The following CES5A variants were observed in gnomAD, a reference collection of about 807,000 sequenced individuals.
The protein encoded by CES5A is carboxylesterase 5A.
A neutral mutation model predicts 62.9 loss-of-function variants in CES5A; 67 were observed. That is an observed-to-expected ratio of 1.07 (90% CI 0.88 to 1.31). CES5A has a LOEUF of 1.31. CES5A is among the 50% of genes most tolerant of loss of function. The pLI is 0.00. For missense variants in CES5A, 748 were observed against 708.5 expected (o/e 1.06, Z -0.63); for synonymous variants, 296 against 280.8 (o/e 1.05, Z -0.54).
At chr16:55,871,581 G>A in intron 3 of CES5A, 44 bp downstream of exon 3, 1 of 1,608,264 alleles carries the variant, frequency 6.2e-7, no homozygotes, top group Non-Finnish European at 8.5e-7. Context: ...CCCAGGCCAA[G>A]GTCCTGCTAG....
chr16:55,879,243 C>A (rs956718754), upstream of CES5A, among the ~76,000 whole-genome samples: 10 of 150,600 alleles, frequency 6.6e-5, no homozygotes, highest in Non-Finnish European at 1.3e-4. Flanking sequence ...ATCACTGCAC[C>A]CTACCACTGT....
At chr16:55,918,763 C>T (rs556319223) in intron 1 of CES5A, among the ~76,000 whole-genome samples, 2 of 152,318 alleles carry the variant, frequency 1.3e-5, no homozygotes, top group Admixed American at 6.5e-5. Flanking sequence ...CATTATAATG[C>T]TTCCCCATGT....
chr16:55,866,845 AT>A (rs2055176178), intron 4 of CES5A, among the ~76,000 whole-genome samples: 1 of 151,982 alleles, frequency 6.6e-6, no homozygotes, highest in Admixed American at 6.6e-5. Flanking sequence ...CTCAAAAAAA[AT>A]AAAAATAAAA....
intron 1 of CES5A, among the ~76,000 whole-genome samples, chr16:55,907,621 C>A (rs754201242): frequency 3.9e-5 from 6 of 152,108 alleles, no homozygotes; most frequent in Non-Finnish European, 5.9e-5. Flanking sequence ...TCAGGGAGCA[C>A]GTGACATAGG....
intron 2 of CES5A, among the ~76,000 whole-genome samples, chr16:55,943,039 CT>C (rs2034461035): frequency 6.6e-6 from 1 of 152,188 alleles, no homozygotes; most frequent in Non-Finnish European, 1.5e-5. Flanking sequence ...CCCAAGAGAA[CT>C]TCCTGGAGGG....
intron 1 of CES5A, among the ~76,000 whole-genome samples, chr16:55,923,623 C>T (rs150608008): frequency 2.0e-5 from 3 of 151,700 alleles, no homozygotes; most frequent in Admixed American, 6.6e-5. Flanking sequence ...TCAAACTCTT[C>T]AAAAAAATTG....
chr16:55,929,683 A>T (rs2034289837), upstream of CES5A, among the ~76,000 whole-genome samples: 1 of 152,220 alleles, frequency 6.6e-6, no homozygotes, highest in Non-Finnish European at 1.5e-5. Context: ...AAAAATTTAC[A>T]TGAAGACAGC....
intron 2 of CES5A, among the ~76,000 whole-genome samples, chr16:55,938,754 AAAAAAAAAAAAATATAT>A (rs2142476431): frequency 3.9e-5 from 3 of 77,304 alleles, no homozygotes; most frequent in South Asian, 8.9e-4. Context: ...AAAAAAAAAA[AAAAAAAAAAAAATATAT>A]ATATATATAT....
intron 3 of CES5A, 72 bp downstream of exon 3, chr16:55,871,553 T>C: frequency 1.9e-6 from 3 of 1,567,226 alleles, no homozygotes; most frequent in Non-Finnish European, 8.7e-7. Context: ...TCCAGACATG[T>C]AGCTGCACTG....
chr16:55,887,383 A>G (rs1276390493), intron 1 of CES5A, among the ~76,000 whole-genome samples: 1 of 77,852 alleles, frequency 1.3e-5, no homozygotes, highest in African/African-American at 3.5e-5. Flanking sequence ...GACCAGAGGC[A>G]AAAAAAAAAA....
intron 8 of CES5A, among the ~76,000 whole-genome samples, chr16:55,858,785 A>C (rs1313747299): frequency 6.6e-6 from 1 of 152,232 alleles, no homozygotes; most frequent in Non-Finnish European, 1.5e-5. Context: ...GGACAGATGA[A>C]AAGTTTATTT....
chr16:55,869,416 A>G (rs1162436731), intron 4 of CES5A, 195 bp downstream of exon 4: 2 of 1,046,314 alleles, frequency 1.9e-6, no homozygotes, highest in Non-Finnish European at 2.6e-6. Flanking sequence ...AGTGAGAAAG[A>G]GATTTTTATT....
chr16:55,853,751 C>A (rs2033177194), intron 9 of CES5A, among the ~76,000 whole-genome samples: 1 of 152,198 alleles, frequency 6.6e-6, no homozygotes, highest in Admixed American at 6.5e-5. Context: ...GCCTGCCTCC[C>A]AGGCTTCTCC....
chr16:55,949,777 C>A, intron 2 of CES5A: 2 of 1,398,238 alleles, frequency 1.4e-6, no homozygotes, highest in Non-Finnish European at 1.9e-6. Context: ...TCTTGTCAAA[C>A]AACTCACCCT....
Position 55,849,767 on chromosome 16 carries a change from C to A in CES5A, c.1280G>T (p.Gly427Val), listed in dbSNP as rs2033091222. ...AAACTCATAGAAGTAGACAGGTGCACCAGCATCTGACAAAAGGTCAGGGAA... is the reference window on the plus strand; with the variant it reads ...AAACTCATAGAAGTAGACAGGTGCAACAGCATCTGACAAAAGGTCAGGGAA... ...LITARYHRDA[G>V]APVYFYEFRH... The change falls in exon 11 of 13, where the codon GGT (glycine) becomes GTT (valine). Residue 427 changes from glycine to valine, a missense_variant. By Grantham distance (109) the Gly-to-Val change is moderately radical (BLOSUM62 -3). Coordinates refer to ENST00000290567, the MANE Select transcript of CES5A (RefSeq NM_001143685.2). The A allele has an allele frequency of 6.2e-7, 1 of 1,613,630 alleles. No individual in the cohort carries two copies. The highest frequency in any genetic ancestry group is 1.7e-5 in the Admixed American group (1 of 60,000).
At chr16:55,899,479 G>T (rs985718306) in intron 1 of CES5A, among the ~76,000 whole-genome samples, 10 of 152,162 alleles carry the variant, frequency 6.6e-5, no homozygotes, top group African/African-American at 2.4e-4. Flanking sequence ...TGGTAGTGTT[G>T]AGCTGAGAAG....
intron 1 of CES5A, among the ~76,000 whole-genome samples, chr16:55,907,214 ACT>A (rs1389380575): frequency 1.8e-4 from 27 of 152,060 alleles, no homozygotes; most frequent in Middle Eastern, 6.8e-3. Flanking sequence ...GCAATAAGGG[ACT>A]CTCTGTTTCT....
At chr16:55,878,251 T>C (rs1471050220), upstream of CES5A, among the ~76,000 whole-genome samples, 1 of 152,056 alleles carries the variant, frequency 6.6e-6, no homozygotes, top group African/African-American at 2.4e-5. Flanking sequence ...CACTTTTGAA[T>C]TCTCATAAAG....
intron 2 of CES5A, 50 bp downstream of exon 2, chr16:55,873,783 C>A: frequency 6.6e-7 from 1 of 1,517,976 alleles, no homozygotes; most frequent in Non-Finnish European, 9.0e-7. Flanking sequence ...ACCTGAATTC[C>A]TGCCACTCCC....
Sources: gnomAD v4.1 joint callset for allele counts (sites outside exome capture counted in the v4.1 genomes callset) on GRCh38, gnomAD v4.1.1 for gene constraint, MANE v1.5 for transcripts, NCBI Gene and HGNC (gene_info 2026-07-23, HGNC 2026-07-21) for gene names.